The following SYNE2 variants were observed in gnomAD, a reference collection of about 807,000 sequenced individuals.
SYNE2 encodes spectrin repeat containing nuclear envelope protein 2.
A neutral mutation model predicts 856.3 loss-of-function variants in SYNE2; 431 were observed. The ratio of observed to expected loss-of-function variants is 0.50; its 90% CI spans 0.47 to 0.55. The LOEUF is 0.55. SYNE2 is among the 20% of genes least tolerant of loss of function. The pLI, the probability that SYNE2 is intolerant of heterozygous loss-of-function variation, is 0.00. For missense variants in SYNE2, 8,129 were observed against 8,023.2 expected, an observed-to-expected ratio of 1.01 and a Z score of -0.50; for synonymous variants, 2,923 against 2,872.3, an observed-to-expected ratio of 1.02 and a Z score of -0.56.
chr14:64,001,897 GTGTTTTCCCCTCA>G, intron 28 of SYNE2, 24 bp from the exon 29 acceptor site: 1 of 1,612,898 alleles, frequency 6.2e-7, no homozygotes, highest in Non-Finnish European at 8.5e-7. Flanking sequence ...TCTTTCTGCT[GTGTTTTCCCCTCA>G]TGTCTGATTT....
chr14:64,150,007 C>CTTTTTTTTTTTTTTT (rs755126549), intron 84 of SYNE2, among the ~76,000 whole-genome samples: 7 of 94,414 alleles, frequency 7.4e-5, no homozygotes, highest in Non-Finnish European at 1.2e-4. Context: ...TTTTTCTTTT[C>CTTTTTTTTTTTTTTT]TTTTTTTTTT....
intron 82 of SYNE2, among the ~76,000 whole-genome samples, chr14:64,143,026 A>G (rs2098152451): frequency 6.6e-6 from 1 of 152,208 alleles, no homozygotes; most frequent in South Asian, 2.1e-4. Context: ...ACCAAGCAAG[A>G]TATTAGCAGA....
intron 8 of SYNE2, among the ~76,000 whole-genome samples, chr14:63,960,338 C>G (rs898973430): frequency 6.6e-6 from 1 of 152,128 alleles, no homozygotes; most frequent in Non-Finnish European, 1.5e-5. Context: ...CTCATTGAAC[C>G]TAGTAAATAT....
rs1038573771 is a variant in SYNE2 at position 63,964,603 on chromosome 14, C to T, written c.990+603C>T. Among the ~76,000 whole-genome samples, 5 of 152,132 alleles carry T rather than the reference C, an allele frequency of 3.3e-5. No individual in the cohort carries two copies. The South Asian group carries it at 8.3e-4, about 25-fold the overall frequency. On this transcript the variant is annotated intron_variant, in intron 10 of 115. Coordinates refer to ENST00000555002, the MANE Select transcript of SYNE2 (RefSeq NM_182914.3). ...GCAATGGTGCGATCTTGGCTCACCG[C>T]AGCCGCCACCTCCCAGGTTCAAGCA...
chr14:64,092,690 C>G (rs76361129), intron 60 of SYNE2, among the ~76,000 whole-genome samples: 2,099 of 152,268 alleles, frequency 0.014, 45 homozygotes, highest in South Asian at 0.044. Flanking sequence ...TGTTTTTCAT[C>G]GTGCTTAATC....
At chr14:63,827,625 C>CAAAAAAAAAAAAAAA (rs11334415) in intron 1 of SYNE2, among the ~76,000 whole-genome samples, 6 of 28,398 alleles carry the variant, frequency 2.1e-4, no homozygotes, top group Admixed American at 5.5e-4. Flanking sequence ...AACTCTGTCT[C>CAAAAAAAAAAAAAAA]AAAAAAAAAA....
chr14:63,957,200 C>T (rs1242144609), intron 8 of SYNE2, among the ~76,000 whole-genome samples: 4 of 150,416 alleles, frequency 2.7e-5, no homozygotes, highest in South Asian at 2.1e-4. Context: ...TGGGTTAAAG[C>T]GATTCTTGTG....
chr14:63,995,006 T>G, intron 22 of SYNE2, 38 bp from the exon 23 acceptor site: 1 of 1,331,492 alleles, frequency 7.5e-7, no homozygotes, highest in Non-Finnish European at 1.0e-6. Flanking sequence ...GTATATTTTG[T>G]TCTCATGGTT....
Position 64,177,462 on chromosome 14 carries a change from TA to T in SYNE2, c.17537del (p.Asn5846ThrfsTer5). ...TTCCAGAGCTTCACGAGGACCTCCA[TA>T]ACGAAAAAGAGCTGATTAAGGTATT... The part of the protein sequence containing the change: ...PLPELHEDLH[N>X]EKELIKELEQ... On this transcript the variant is annotated frameshift_variant, in exon 96 of 116. Coordinates refer to ENST00000555002, the MANE Select transcript of SYNE2 (RefSeq NM_182914.3). LOFTEE classifies it high-confidence loss of function. 1 of 1,614,124 alleles carries T rather than the reference TA, an allele frequency of 6.2e-7. No homozygotes were observed. Among genetic ancestry groups the T allele is most frequent in the Non-Finnish European group, 8.5e-7 (1 of 1,180,008 alleles).
intron 1 of SYNE2, among the ~76,000 whole-genome samples, chr14:63,814,904 A>G (rs1888840112): frequency 1.6e-5 from 1 of 61,674 alleles, no homozygotes; most frequent in Non-Finnish European, 3.9e-5. Flanking sequence ...ATATATATCC[A>G]TATATATCCA....
chr14:63,990,164 ATTAC>A (rs1250960640), intron 19 of SYNE2, among the ~76,000 whole-genome samples: 1 of 152,194 alleles, frequency 6.6e-6, no homozygotes, highest in Admixed American at 6.5e-5. Flanking sequence ...TTGTCATTGT[ATTAC>A]TTTCATTCTT....
rs776545846 is a variant in SYNE2 at position 64,120,933 on chromosome 14, A to G, written c.13030A>G (p.Thr4344Ala). 41 of 1,613,990 alleles carry G rather than the reference A, an allele frequency of 2.5e-5. No homozygotes were observed. The highest frequency in any genetic ancestry group is 4.5e-5 in the East Asian group (2 of 44,900). Residue 4344 changes from threonine (T) to alanine (A), a missense_variant, in exon 68 of 116, where the codon ACC becomes GCC. Thr to Ala is a moderately conservative substitution (Grantham distance 58). Around this residue, in one of 3 missense-constraint regions of SYNE2, gnomAD observed 5,410 missense variants for 5,284.8 expected, o/e 1.02. Transcript: ENST00000555002. ...QEKHSEDQHP[T>A]ILKKSSEPEH... ...ATTATGAAATGTTTTGCAGCATCCT[A>G]CCATTCTAAAGAAATCCTCAGAGCC...
At chr14:63,851,988 G>T (rs1428347595), upstream of SYNE2, among the ~76,000 whole-genome samples, 53 of 31,892 alleles carry the variant, frequency 1.7e-3, 1 homozygote, top group African/African-American at 4.5e-3. Flanking sequence ...GGGGGGGGGG[G>T]GGGGGAATGA....
At chr14:63,839,282 G>C (rs1040495452) in intron 1 of SYNE2, among the ~76,000 whole-genome samples, 16 of 152,228 alleles carry the variant, frequency 1.1e-4, no homozygotes, top group African/African-American at 3.6e-4. Context: ...GCCTACCTTG[G>C]CCTCCCAAAG....
intron 26 of SYNE2, among the ~76,000 whole-genome samples, 191 bp downstream of exon 26, chr14:63,998,519 T>A (rs969553600): frequency 3.9e-5 from 6 of 152,218 alleles, no homozygotes; most frequent in Non-Finnish European, 5.9e-5. Context: ...TGTTATTTTA[T>A]TTTTCTTATT....
chr14:63,827,639 A>AAAAC (rs1889494746), intron 1 of SYNE2, among the ~76,000 whole-genome samples: 3 of 64,318 alleles, frequency 4.7e-5, no homozygotes, highest in African/African-American at 1.2e-4. Context: ...AAAAAAAAAA[A>AAAAC]AAAAAAAAAA....
intron 17 of SYNE2, among the ~76,000 whole-genome samples, chr14:63,983,140 A>G (rs551534302): frequency 7.9e-5 from 12 of 152,248 alleles, no homozygotes; most frequent in Non-Finnish European, 1.3e-4. Context: ...TCTGTATTAT[A>G]GAATGTAATC....
chr14:64,023,258 G>A (rs1226644106), intron 38 of SYNE2: 1 of 177,686 alleles, frequency 5.6e-6, no homozygotes, highest in Admixed American at 5.7e-5. Flanking sequence ...AAATAAAAAA[G>A]AAATAGAGTA....
At chr14:63,893,523 C>T (rs2095183616) in intron 1 of SYNE2, among the ~76,000 whole-genome samples, 2 of 152,068 alleles carry the variant, frequency 1.3e-5, no homozygotes. Context: ...AAGATCGTGC[C>T]ACTGTACTCC....
Sources: gnomAD v4.1 joint callset for allele counts (sites outside exome capture counted in the v4.1 genomes callset) on GRCh38, gnomAD v4.1.1 for gene constraint, gnomAD v4.1.1 regional missense constraint, MANE v1.5 for transcripts, NCBI Gene and HGNC (gene_info 2026-07-23, HGNC 2026-07-21) for gene names.